The following STEAP3 variants were observed in gnomAD, a reference collection of about 807,000 sequenced individuals.
STEAP3 encodes STEAP3 metalloreductase.
Under a neutral mutation model 34.9 loss-of-function variants are expected in STEAP3, and 35 were observed. The ratio of observed to expected loss-of-function variants is 1.00; its 90% CI spans 0.76 to 1.33. STEAP3 has a LOEUF of 1.33. STEAP3 is among the 40% of genes most tolerant of loss of function. The pLI, the probability that STEAP3 is intolerant of heterozygous loss-of-function variation, is 0.00. For missense variants in STEAP3, 652 were observed against 667.6 expected, an observed-to-expected ratio of 0.98 and a Z score of 0.26; for synonymous variants, 281 against 301.6, an observed-to-expected ratio of 0.93 and a Z score of 0.71.
At chr2:119,224,461 TTCCCCCTCCTGCCCGGCAAAGC>T (rs1367203455) in intron 1 of STEAP3, among the ~76,000 whole-genome samples, 7 of 152,076 alleles carry the variant, frequency 4.6e-5, no homozygotes, top group African/African-American at 2.4e-5. Flanking sequence ...CCTGGCAAAG[TTCCCCCTCCTGCCCGGCAAAGC>T]TCCCCCTCCT....
chr2:119,257,608 C>G, intron 5 of STEAP3: 1 of 1,507,966 alleles, frequency 6.6e-7, no homozygotes, highest in Non-Finnish European at 8.8e-7. Flanking sequence ...GTGTCCACCC[C>G]ATATGGTCAT....
intron 4 of STEAP3, among the ~76,000 whole-genome samples, chr2:119,251,252 C>T (rs999697862): frequency 2.0e-5 from 3 of 152,194 alleles, no homozygotes; most frequent in Non-Finnish European, 4.4e-5. Context: ...ACCACCCCAA[C>T]TGCCCACTAG....
intron 2 of STEAP3, among the ~76,000 whole-genome samples, chr2:119,234,606 G>A (rs1050123669): frequency 2.6e-5 from 4 of 152,238 alleles, no homozygotes; most frequent in Non-Finnish European, 4.4e-5. Flanking sequence ...GCATGGCCCC[G>A]GCGCCTTGCT....
chr2:119,238,075 C>T (rs1293041969), intron 2 of STEAP3, among the ~76,000 whole-genome samples: 3 of 152,158 alleles, frequency 2.0e-5, no homozygotes, highest in Admixed American at 6.5e-5. Context: ...AGTTGATGGA[C>T]GTTTGAATTG....
Position 119,254,791 on chromosome 2 carries a change from G to A in STEAP3, c.1158G>A (p.Val386=). 1 of 1,614,198 alleles carries A rather than the reference G, an allele frequency of 6.2e-7. No individual in the cohort carries two copies. Among genetic ancestry groups the A allele is most frequent in the Non-Finnish European group, 8.5e-7 (1 of 1,180,044 alleles). ...LALGTLSLLA[V]TSLPSIANSL... is the part of the protein sequence containing the mutation. ...TCGGCACGTTGTCCCTGCTGGCCGT[G>A]ACCTCACTGCCGTCCATTGCAAACT... Residue 386 remains valine (V), a synonymous_variant, in exon 5 of 6, where the codon GTG becomes GTA. Coordinates refer to ENST00000393110, the MANE Select transcript of STEAP3 (RefSeq NM_182915.3).
rs577659586 is a variant in STEAP3, at chr2:119,256,455, C to G, written c.1215+1607C>G. Among the ~76,000 whole-genome samples, 10 of 152,276 alleles carry G rather than the reference C, an allele frequency of 6.6e-5. No individual in the cohort carries two copies. In the South Asian group the frequency reaches 2.1e-3, roughly 32 times the overall value. ...GTGCATGGTTTATCCACAATTAAAG[C>G]AGACTGCAGGCTGCTCCCCTCACCA... On this transcript the variant is annotated intron_variant, in intron 5 of 5. Transcript: ENST00000393110.
At chr2:119,262,009 G>A (rs1268760536) in intron 5 of STEAP3, among the ~76,000 whole-genome samples, 1 of 152,250 alleles carries the variant, frequency 6.6e-6, no homozygotes, top group Non-Finnish European at 1.5e-5. Context: ...GTTTCCACCC[G>A]GGTTGTTTAT....
At chr2:119,225,185 G>A (rs907906172) in intron 1 of STEAP3, among the ~76,000 whole-genome samples, 1 of 152,178 alleles carries the variant, frequency 6.6e-6, no homozygotes, top group African/African-American at 2.4e-5. Context: ...AATCAGCTAG[G>A]GGCACCTGGA....
intron 2 of STEAP3, among the ~76,000 whole-genome samples, chr2:119,235,673 C>T (rs1010893550): frequency 2.6e-5 from 4 of 152,240 alleles, no homozygotes; most frequent in African/African-American, 9.6e-5. Flanking sequence ...ACTTAGTTCT[C>T]ACCTTGAGGA....
intron 5 of STEAP3, among the ~76,000 whole-genome samples, chr2:119,258,400 T>C (rs113390111): frequency 0.074 from 11,328 of 152,086 alleles, 436 homozygotes; most frequent in Middle Eastern, 0.12. Flanking sequence ...TGCAGCCCAG[T>C]AGGTCTCAGC....
At chr2:119,241,712 A>G (rs954729669) in intron 2 of STEAP3, among the ~76,000 whole-genome samples, 11 of 152,296 alleles carry the variant, frequency 7.2e-5, no homozygotes, top group African/African-American at 2.2e-4. Context: ...AGCGGCCTCC[A>G]TATCAGCTCC....
Position 119,263,590 on chromosome 2 carries a change from C to T in STEAP3, c.*252C>T. ...TACATAGCTAGCTAAAAAGTTGGGT[C>T]TCTGAGATTTCAACTTGTAGATTTA... On this transcript the variant is annotated 3_prime_UTR_variant, in exon 6 of 6. Transcript: ENST00000393110. 1 of 576,642 alleles carries T rather than the reference C, an allele frequency of 1.7e-6. No homozygotes were observed. The highest frequency in any genetic ancestry group is 2.0e-5 in the South Asian group (1 of 50,706). 35.7% of individuals were successfully genotyped at this position (576,642 alleles called of 1,614,324 possible). A position where few individuals can be genotyped will look rare whatever the true frequency, so the allele number is the denominator to read the frequency against.
At chr2:119,253,713 G>C (rs536413182) in intron 4 of STEAP3, among the ~76,000 whole-genome samples, 4 of 152,184 alleles carry the variant, frequency 2.6e-5, no homozygotes, top group African/African-American at 9.6e-5. Flanking sequence ...GGCACTATGC[G>C]AGTGAGTGTT....
At chr2:119,232,033 G>T (rs940961302) in intron 2 of STEAP3, among the ~76,000 whole-genome samples, 2 of 152,160 alleles carry the variant, frequency 1.3e-5, no homozygotes, top group Non-Finnish European at 2.9e-5. Flanking sequence ...TCTAGGATAG[G>T]GGGCAGCCCT....
Position 119,263,432 on chromosome 2 carries a change from C to A in STEAP3, c.*94C>A, listed in dbSNP as rs767900764. ...TTCTTGGTGGTGCAAAGTGGTATAA[C>A]TGTGTGCAAATAGGAGGTTTGAGGT... On this transcript the variant is annotated 3_prime_UTR_variant, in exon 6 of 6. Coordinates refer to ENST00000393110, the MANE Select transcript of STEAP3 (RefSeq NM_182915.3). 6.5e-7 allele frequency: 1 copy of A among 1,527,632 alleles called. No homozygotes were observed. The highest frequency in any genetic ancestry group is 1.4e-5 in the African/African-American group (1 of 72,822). The allele number at this position is 1,527,632 out of a possible 1,614,324, so 94.6% of individuals were successfully genotyped here.
chr2:119,238,048 T>G (rs997454954), intron 2 of STEAP3, among the ~76,000 whole-genome samples: 1 of 152,270 alleles, frequency 6.6e-6, no homozygotes, highest in Non-Finnish European at 1.5e-5. Context: ...AGGCCACATT[T>G]TGTTTAACCA....
intron 1 of STEAP3, among the ~76,000 whole-genome samples, chr2:119,229,697 G>T (rs1679155760): frequency 6.6e-6 from 1 of 152,126 alleles, no homozygotes; most frequent in Admixed American, 6.5e-5. Context: ...GGGGGAGATG[G>T]CAGGTGCCTT....
chr2:119,224,833 G>T (rs997625074), intron 1 of STEAP3, among the ~76,000 whole-genome samples: 1 of 152,178 alleles, frequency 6.6e-6, no homozygotes, highest in African/African-American at 2.4e-5. Context: ...TAAGGGCTTT[G>T]AGCACAATAT....
chr2:119,234,997 T>C (rs12465926), intron 2 of STEAP3, among the ~76,000 whole-genome samples: 11,888 of 152,306 alleles, frequency 0.078, 679 homozygotes, highest in African/African-American at 0.16. Context: ...GAGAGATTCC[T>C]GGATGGCAGG....
Sources: gnomAD v4.1 joint callset for allele counts (sites outside exome capture counted in the v4.1 genomes callset) on GRCh38, gnomAD v4.1.1 for gene constraint, MANE v1.5 for transcripts, NCBI Gene and HGNC (gene_info 2026-07-23, HGNC 2026-07-21) for gene names.